Variants in PTPRN2 observed in about 807,000 individuals in gnomAD.
The protein encoded by PTPRN2 is receptor-type tyrosine-protein phosphatase N2.
Under a neutral mutation model 118.8 loss-of-function variants are expected in PTPRN2, and 74 were observed. The ratio of observed to expected loss-of-function variants is 0.62; its 90% CI spans 0.52 to 0.76. The LOEUF (loss-of-function observed/expected upper bound fraction) is 0.76. Among genes scored for constraint, PTPRN2 ranks in the 30% least tolerant of loss-of-function variants. PTPRN2 has a pLI of 0.00. For synonymous variants in PTPRN2, 641 were observed against 608.0 expected (o/e 1.05, Z -0.80); for missense variants, 1,481 against 1,394.4 (o/e 1.06, Z -0.99).
At chr7:158,449,944 C>T (rs753314824) in intron 2 of PTPRN2, among the ~76,000 whole-genome samples, 44 of 152,216 alleles carry the variant, frequency 2.9e-4, no homozygotes, top group Non-Finnish European at 5.9e-5. Flanking sequence ...CACAGATGAA[C>T]CTGGTGAGGA....
intron 11 of PTPRN2, among the ~76,000 whole-genome samples, chr7:157,909,392 G>C (rs893334327): frequency 3.3e-5 from 5 of 152,222 alleles, no homozygotes; most frequent in Non-Finnish European, 5.9e-5. Context: ...ACACTGGGGG[G>C]GGGAGGATGC....
chr7:157,792,192 T>G (rs1204167316), intron 12 of PTPRN2, among the ~76,000 whole-genome samples: 1 of 152,212 alleles, frequency 6.6e-6, no homozygotes, highest in African/African-American at 2.4e-5. Flanking sequence ...GGGCTCGCGT[T>G]CCCATCTGCC....
At chr7:158,094,372 T>A (rs1227441537) in intron 10 of PTPRN2, among the ~76,000 whole-genome samples, 3 of 152,168 alleles carry the variant, frequency 2.0e-5, no homozygotes, top group Non-Finnish European at 4.4e-5. Flanking sequence ...TGCAATGGCG[T>A]GATCTCGGCT....
chr7:158,475,551 AGG>A lies in PTPRN2; in HGVS notation c.163+14182_163+14183del, dbSNP rs1309111993. Reference sequence around the variant, plus strand: ...GAACCCCCAGCAAAACACCCTCGGGAGGGCACGCCCGCCTCCACCCCCAGCTG... The same window carrying A: ...GAACCCCCAGCAAAACACCCTCGGGAGCACGCCCGCCTCCACCCCCAGCTG... On this transcript the variant is annotated intron_variant, in intron 2 of 22. Coordinates refer to ENST00000389418, the MANE Select transcript of PTPRN2 (RefSeq NM_002847.5). Among the ~76,000 whole-genome samples, 423 of 152,232 alleles carry A rather than the reference AGG, an allele frequency of 2.8e-3. 3 individuals carry two copies. Among genetic ancestry groups the A allele is most frequent in the African/African-American group, 9.7e-3 (402 of 41,554 alleles).
chr7:158,133,252 C>T (rs1049249285), intron 9 of PTPRN2, among the ~76,000 whole-genome samples: 11 of 152,188 alleles, frequency 7.2e-5, no homozygotes, highest in Admixed American at 6.5e-5. Context: ...TTTCCAGGGC[C>T]GCGTCCCATC....
chr7:157,673,944 C>A (rs1210944858), intron 13 of PTPRN2, among the ~76,000 whole-genome samples: 2 of 152,210 alleles, frequency 1.3e-5, no homozygotes, highest in African/African-American at 4.8e-5. Context: ...TCTCTGCTGT[C>A]CCCGTTGTTC....
intron 17 of PTPRN2, among the ~76,000 whole-genome samples, chr7:157,586,193 A>T (rs1800661343): frequency 6.6e-6 from 1 of 152,172 alleles, no homozygotes; most frequent in African/African-American, 2.4e-5. Flanking sequence ...GAATGAACAC[A>T]ACTCTCATGT....
At chr7:157,984,264 TCCACCC>T (rs1803552907) in intron 11 of PTPRN2, among the ~76,000 whole-genome samples, 28 of 34,768 alleles carry the variant, frequency 8.1e-4, no homozygotes, top group Admixed American at 1.3e-3. Context: ...CACGCCAGGC[TCCACCC>T]CCCACGCCAG....
At chr7:157,865,574 G>A (rs976322408) in intron 12 of PTPRN2, 5 of 152,464 alleles carry the variant, frequency 3.3e-5, no homozygotes, top group Admixed American at 2.0e-4. Flanking sequence ...AGGAAGGCGG[G>A]AGCTCGGCAT....
intron 1 of PTPRN2, among the ~76,000 whole-genome samples, chr7:158,524,042 T>C (rs974169688): frequency 5.4e-5 from 5 of 92,684 alleles, no homozygotes; most frequent in Non-Finnish European, 6.0e-5. Context: ...TGGAGTGGAG[T>C]CTGCCCTGGA....
At chr7:158,065,245 G>A (rs1810669771) in intron 11 of PTPRN2, among the ~76,000 whole-genome samples, 2 of 152,224 alleles carry the variant, frequency 1.3e-5, no homozygotes, top group South Asian at 4.1e-4. Flanking sequence ...ACTCAGGCGT[G>A]TCCTGGCTGA....
chr7:158,009,533 T>C (rs1805893732), intron 11 of PTPRN2, among the ~76,000 whole-genome samples: 3 of 152,164 alleles, frequency 2.0e-5, no homozygotes, highest in Admixed American at 2.0e-4. Flanking sequence ...ATAAAATGTT[T>C]CCAATGATAA....
chr7:158,178,589 CTTTT>C (rs56710690), intron 5 of PTPRN2, among the ~76,000 whole-genome samples: 224 of 67,340 alleles, frequency 3.3e-3, no homozygotes, highest in South Asian at 0.012. Context: ...CATTTTCTTT[CTTTT>C]TTTTTTTTTT....
chr7:158,151,159 C>T lies in PTPRN2; in HGVS notation c.911-12644G>A, dbSNP rs1282291010. The stretch of plus-strand genomic sequence containing the variant: ...CCTTTCTATTCCTGCCTCTCCCTGC[C>T]CACACCGCCCGCCTTTCTGCTCCTG... On this transcript the variant is annotated intron_variant, in intron 6 of 22. Coordinates refer to ENST00000389418, the MANE Select transcript of PTPRN2 (RefSeq NM_002847.5). Among the ~76,000 whole-genome samples, 19 of 62,148 alleles carry T rather than the reference C, an allele frequency of 3.1e-4. 1 individual carries two copies. The highest frequency in any genetic ancestry group is 1.4e-3 in the African/African-American group (19 of 13,848). 40.8% of individuals were successfully genotyped at this position (62,148 alleles called of 152,430 possible). A position where few individuals can be genotyped will look rare whatever the true frequency, so the allele number is the denominator to read the frequency against.
chr7:157,674,418 G>A lies in PTPRN2; in HGVS notation c.2001+8307C>T, dbSNP rs1187482168. 2.6e-5 allele frequency among the ~76,000 whole-genome samples: 4 copies of A among 152,136 alleles called. No individual in the cohort carries two copies. Among genetic ancestry groups the A allele is most frequent in the South Asian group, 2.1e-4 (1 of 4,826 alleles). On this transcript the variant is annotated intron_variant, in intron 13 of 22. Transcript: ENST00000389418. This position sits in a 1 kb window ranked among gnomAD's most constrained non-coding sequence, Gnocchi z 4.5. ...GACTTTCATCTGCTGGGTCCTCCTC[G>A]GTTTGACGTGCAATTGCTTTTCCCG...
intron 12 of PTPRN2, among the ~76,000 whole-genome samples, chr7:157,830,185 C>T (rs1466954609): frequency 1.3e-5 from 2 of 151,680 alleles, no homozygotes; most frequent in African/African-American, 4.8e-5. Context: ...TCACTGGCAG[C>T]TGAGCACCCC....
In PTPRN2 at chr7:157,874,911, ACT is replaced by A. The variant is rs890835477; in HGVS notation, c.1788+23760_1788+23761del. ...GACACACTCGTGCACATACACACAC[ACT>A]CATGCACATACACAGAGAAACACTT... On this transcript the variant is annotated intron_variant, in intron 12 of 22. Coordinates refer to ENST00000389418, the MANE Select transcript of PTPRN2 (RefSeq NM_002847.5). This position sits in a 1 kb window ranked among gnomAD's most constrained non-coding sequence, Gnocchi z 5.8. Among the ~76,000 whole-genome samples the A allele has an allele frequency of 1.3e-5, 2 of 151,862 alleles. No individual in the cohort carries two copies. Among genetic ancestry groups the A allele is most frequent in the Non-Finnish European group, 2.9e-5 (2 of 67,990 alleles).
intron 2 of PTPRN2, among the ~76,000 whole-genome samples, chr7:158,473,819 AAT>A (rs1820046758): frequency 6.6e-6 from 1 of 152,222 alleles, no homozygotes; most frequent in Non-Finnish European, 1.5e-5. Context: ...GTTGGCTATA[AAT>A]AGCTTAAAAA....
rs1198165090 is a variant in PTPRN2 at position 157,808,576 on chromosome 7, G to T, written c.1788+90097C>A. On this transcript the variant is annotated intron_variant, in intron 12 of 22. Transcript: ENST00000389418. The surrounding 1 kb of genome is among the most constrained non-coding windows in gnomAD (Gnocchi z 5.0). The stretch of plus-strand genomic sequence containing the variant: ...CACCCCCAGATGGGACCAGCCAGTT[G>T]CAGGAAAACAAGCTCAGGGCACCCA... 6.6e-6 allele frequency among the ~76,000 whole-genome samples: 1 copy of T among 152,202 alleles called. No individual in the cohort carries two copies. The highest frequency in any genetic ancestry group is 2.4e-5 in the African/African-American group (1 of 41,440).
Sources: allele counts gnomAD v4.1 joint callset (sites outside exome capture counted in the v4.1 genomes callset), GRCh38; gene constraint gnomAD v4.1.1; non-coding constraint Gnocchi (gnomAD v3.1); transcripts MANE v1.5; gene names NCBI Gene and HGNC (gene_info 2026-07-23, HGNC 2026-07-21).